Variants in CHCHD6 observed in about 807,000 individuals in gnomAD.
CHCHD6 encodes MICOS complex subunit MIC25.
A neutral mutation model predicts 32.3 loss-of-function variants in CHCHD6; 28 were observed. The observed-to-expected ratio is 0.87, with a 90% CI of 0.64 to 1.19. The LOEUF (loss-of-function observed/expected upper bound fraction) is 1.19. Ranked by LOEUF, CHCHD6 falls within the 50% of genes most tolerant of loss-of-function variation. The probability of loss-of-function intolerance (pLI) is 0.00; values close to 1 mark genes in which losing one functional copy is unlikely to be tolerated. For missense variants in CHCHD6, 333 were observed against 307.0 expected (o/e 1.08, Z -0.63); for synonymous variants, 122 against 117.5 (o/e 1.04, Z -0.25).
At chr3:126,790,989 A>T (rs770469430) in intron 4 of CHCHD6, among the ~76,000 whole-genome samples, 36 of 152,178 alleles carry the variant, frequency 2.4e-4, no homozygotes, top group Non-Finnish European at 4.9e-4. Context: ...AGTGAGGTAC[A>T]GATGGGGTTT....
chr3:126,889,810 A>C (rs2077730970), intron 5 of CHCHD6, among the ~76,000 whole-genome samples: 1 of 151,808 alleles, frequency 6.6e-6, no homozygotes, highest in Non-Finnish European at 1.5e-5. Context: ...TGCCACAGCA[A>C]CCCCAGCAGA....
intron 5 of CHCHD6, among the ~76,000 whole-genome samples, chr3:126,909,806 C>G (rs1273716197): frequency 6.6e-6 from 1 of 152,062 alleles, no homozygotes; most frequent in Non-Finnish European, 1.5e-5. Flanking sequence ...TTCGGTAGAG[C>G]GCACTTCAGA....
intron 4 of CHCHD6, 22 bp downstream of exon 4, chr3:126,733,244 T>G: frequency 6.2e-7 from 1 of 1,607,054 alleles, no homozygotes; most frequent in African/African-American, 1.3e-5. Flanking sequence ...TTTTCCCTGA[T>G]CTGGCCTTCT....
At chr3:126,914,912 G>C (rs532313563) in intron 6 of CHCHD6, among the ~76,000 whole-genome samples, 162 bp downstream of exon 6, 24 of 152,324 alleles carry the variant, frequency 1.6e-4, no homozygotes, top group African/African-American at 5.8e-4. Context: ...GGTAGCCATT[G>C]GTCATCTGTA....
chr3:126,949,698 C>G (rs1231795699), intron 6 of CHCHD6: 1 of 203,572 alleles, frequency 4.9e-6, no homozygotes, highest in Non-Finnish European at 1.0e-5. Flanking sequence ...CTGTACAGAG[C>G]CTTATCACCA....
At chr3:126,730,378 A>G (rs1392053036) in intron 2 of CHCHD6, among the ~76,000 whole-genome samples, 183 bp from the exon 3 acceptor site, 1 of 152,164 alleles carries the variant, frequency 6.6e-6, no homozygotes, top group Non-Finnish European at 1.5e-5. Context: ...GGCTTTCCAG[A>G]CAGCTTGAAT....
chr3:126,714,843 C>T (rs1242363238), intron 1 of CHCHD6, among the ~76,000 whole-genome samples: 4 of 152,186 alleles, frequency 2.6e-5, no homozygotes, highest in Admixed American at 6.5e-5. Flanking sequence ...CTGCAGCTCA[C>T]TCTCTTCATC....
intron 4 of CHCHD6, among the ~76,000 whole-genome samples, chr3:126,749,320 GA>G (rs1936632545): frequency 6.6e-6 from 1 of 152,198 alleles, no homozygotes; most frequent in Non-Finnish European, 1.5e-5. Context: ...TGGTGACCCA[GA>G]CAAAGGACAG....
rs572932672 is a variant in CHCHD6, at chr3:126,716,181, G to T, written c.88-10897G>T. ...CTCCCAGTTCCAGCTTCCTTGGTTT[G>T]CCATCCAAGGCTCTCAACAGGTGGC... is the stretch of plus-strand genomic sequence containing the variant. On this transcript the variant is annotated intron_variant, in intron 1 of 7. Coordinates refer to ENST00000290913, the MANE Select transcript of CHCHD6 (RefSeq NM_032343.3). Among the ~76,000 whole-genome samples, 5 of 152,280 alleles carry T rather than the reference G, an allele frequency of 3.3e-5. No individual in the cohort carries two copies. In the South Asian group the frequency reaches 1.0e-3, roughly 32 times the overall value.
At chr3:126,886,499 A>G (rs183591684) in intron 5 of CHCHD6, among the ~76,000 whole-genome samples, 1 of 152,300 alleles carries the variant, frequency 6.6e-6, no homozygotes, top group African/African-American at 2.4e-5. Flanking sequence ...AGCAGTGCTT[A>G]CGTTCACCTA....
chr3:126,886,231 C>G (rs185904659), intron 5 of CHCHD6, among the ~76,000 whole-genome samples: 2 of 152,220 alleles, frequency 1.3e-5, no homozygotes, highest in African/African-American at 4.8e-5. Context: ...CAGTAGTTTC[C>G]CCTGATTCAC....
intron 5 of CHCHD6, among the ~76,000 whole-genome samples, chr3:126,857,619 A>C (rs1941706936): frequency 6.6e-6 from 1 of 152,156 alleles, no homozygotes; most frequent in South Asian, 2.1e-4. Flanking sequence ...AGGGAAACAC[A>C]AGCTACACAA....
chr3:126,787,233 T>C (rs1377094073), intron 4 of CHCHD6, among the ~76,000 whole-genome samples: 33 of 152,208 alleles, frequency 2.2e-4, no homozygotes, highest in African/African-American at 7.0e-4. Context: ...TGTAGCCTTG[T>C]AGTATAGTTT....
intron 4 of CHCHD6, among the ~76,000 whole-genome samples, chr3:126,839,879 C>A (rs1227158503): frequency 2.0e-5 from 3 of 152,104 alleles, no homozygotes; most frequent in African/African-American, 7.2e-5. Flanking sequence ...TTGAGTTGTG[C>A]AGCCATTGCC....
At chr3:126,836,347 G>A (rs1414103038) in intron 4 of CHCHD6, among the ~76,000 whole-genome samples, 1 of 152,108 alleles carries the variant, frequency 6.6e-6, no homozygotes, top group Admixed American at 6.5e-5. Context: ...AGATCTTCGT[G>A]GCCTTCTATC....
intron 4 of CHCHD6, among the ~76,000 whole-genome samples, chr3:126,812,558 G>A (rs2107532156): frequency 6.6e-6 from 1 of 151,388 alleles, no homozygotes; most frequent in South Asian, 2.1e-4. Flanking sequence ...CTAGTATGCT[G>A]GGATTACAGG....
intron 6 of CHCHD6, among the ~76,000 whole-genome samples, chr3:126,941,755 A>G (rs1220638903): frequency 6.6e-6 from 1 of 152,218 alleles, no homozygotes; most frequent in Non-Finnish European, 1.5e-5. Context: ...TTTTCTCTCT[A>G]GATGAAAACA....
At chr3:126,824,798 C>T (rs765890488) in intron 4 of CHCHD6, among the ~76,000 whole-genome samples, 3 of 151,748 alleles carry the variant, frequency 2.0e-5, no homozygotes, top group Non-Finnish European at 4.4e-5. Flanking sequence ...AGGCTGGTCT[C>T]GAACTCCCAA....
At chr3:126,798,198 G>A (rs1938888307) in intron 4 of CHCHD6, among the ~76,000 whole-genome samples, 1 of 152,180 alleles carries the variant, frequency 6.6e-6, no homozygotes, top group Non-Finnish European at 1.5e-5. Context: ...GGCTTCCTGG[G>A]CCAGGGTGTG....
Sources: gnomAD v4.1 joint callset for allele counts (sites outside exome capture counted in the v4.1 genomes callset) on GRCh38, gnomAD v4.1.1 for gene constraint, MANE v1.5 for transcripts, NCBI Gene and HGNC (gene_info 2026-07-23, HGNC 2026-07-21) for gene names.